The following PSMB3 variants were observed in gnomAD, a reference collection of about 807,000 sequenced individuals.
The protein encoded by PSMB3 is proteasome subunit beta type-3.
Under a neutral mutation model 23.3 loss-of-function variants are expected in PSMB3, and 5 were observed. The ratio of observed to expected loss-of-function variants is 0.21; its 90% CI spans 0.11 to 0.45. PSMB3 has a LOEUF of 0.45. Ranked by LOEUF, PSMB3 falls within the 20% of genes least tolerant of loss-of-function variation. The pLI is 0.99. For missense variants in PSMB3, 192 were observed against 277.9 expected, an observed-to-expected ratio of 0.69 and a Z score of 2.20; for synonymous variants, 85 against 99.8, an observed-to-expected ratio of 0.85 and a Z score of 0.88.
chr17:38,761,196 A>G (rs549934026), intron 4 of PSMB3, among the ~76,000 whole-genome samples: 1 of 152,044 alleles, frequency 6.6e-6, no homozygotes, highest in East Asian at 1.9e-4. Flanking sequence ...CTAAAAAAAA[A>G]GTTAAATTAG....
chr17:38,755,759 G>A lies in PSMB3; in HGVS notation c.189-124G>A, dbSNP rs971452065. 7.3e-6 allele frequency: 5 copies of A among 686,296 alleles called. No homozygotes were observed. In the African/African-American group the frequency reaches 9.1e-5, roughly 12 times the overall value. The allele number at this position is 686,296 out of a possible 1,614,324, so 42.5% of individuals were successfully genotyped here. On this transcript the variant is annotated intron_variant, in intron 2 of 5. Coordinates refer to ENST00000619426, the MANE Select transcript of PSMB3 (RefSeq NM_002795.4). ...AGTTGCTACTTCCTAACACATGTAA[G>A]ACTACAGTTTTCCCTGGGCAGGGAC...
At chr17:38,762,774 C>CA (rs2143254335) in intron 5 of PSMB3, among the ~76,000 whole-genome samples, 1 of 152,238 alleles carries the variant, frequency 6.6e-6, no homozygotes, top group African/African-American at 2.4e-5. Flanking sequence ...TCCGAAGTCT[C>CA]AGGGATCCGT....
chr17:38,753,480 T>A, intron 2 of PSMB3, 146 bp downstream of exon 2: 2 of 767,858 alleles, frequency 2.6e-6, no homozygotes, highest in Non-Finnish European at 4.0e-6. Context: ...TGTCCTTCCC[T>A]TTCTTTTTTT....
chr17:38,764,080 T>C, intron 5 of PSMB3, 39 bp from the exon 6 acceptor site: 1 of 1,613,342 alleles, frequency 6.2e-7, no homozygotes, highest in Non-Finnish European at 8.5e-7. Flanking sequence ...ACGGTCCAGA[T>C]GGGTAGAGAT....
At chr17:38,760,688 A>G (rs957865401) in intron 4 of PSMB3, 80 bp downstream of exon 4, 2 of 1,508,536 alleles carry the variant, frequency 1.3e-6, no homozygotes, top group African/African-American at 2.7e-5. Flanking sequence ...TTTATGTGGC[A>G]GGTAATGGGG....
chr17:38,759,694 G>A (rs1000809227), intron 3 of PSMB3, among the ~76,000 whole-genome samples: 5 of 151,918 alleles, frequency 3.3e-5, no homozygotes, highest in African/African-American at 9.7e-5. Context: ...ATAGTCACCC[G>A]CCACCATGCC....
intron 2 of PSMB3, among the ~76,000 whole-genome samples, 168 bp from the exon 3 acceptor site, chr17:38,755,715 T>TGTGTGTGTGTGTGC (rs142685157): frequency 1.4e-5 from 2 of 138,486 alleles, no homozygotes; most frequent in African/African-American, 5.6e-5. Context: ...TGTGTGTGTG[T>TGTGTGTGTGTGTGC]GCTGCCAAAG....
At chr17:38,757,946 GC>G (rs973827908) in intron 3 of PSMB3, among the ~76,000 whole-genome samples, 20 of 151,974 alleles carry the variant, frequency 1.3e-4, no homozygotes, top group African/African-American at 4.8e-4. Flanking sequence ...GAACCACTGC[GC>G]CCAGCCAACG....
intron 2 of PSMB3, 38 bp from the exon 3 acceptor site, chr17:38,755,845 C>T: frequency 6.5e-7 from 1 of 1,545,668 alleles, no homozygotes. Flanking sequence ...CAGGAATATT[C>T]AATAATGACT....
At chr17:38,754,743 A>G (rs1908081162) in intron 2 of PSMB3, among the ~76,000 whole-genome samples, 1 of 152,080 alleles carries the variant, frequency 6.6e-6, no homozygotes, top group Admixed American at 6.6e-5. Flanking sequence ...TGCTCATTTC[A>G]CTAGGCCTCA....
intron 3 of PSMB3, among the ~76,000 whole-genome samples, chr17:38,758,070 C>T (rs1482493334): frequency 1.3e-5 from 2 of 152,138 alleles, no homozygotes; most frequent in South Asian, 4.1e-4. Flanking sequence ...TGCCGAGTTA[C>T]CATCTGAAGT....
At chr17:38,756,014 T>C (rs1220107297) in intron 3 of PSMB3, 24 bp downstream of exon 3, 2 of 1,557,158 alleles carry the variant, frequency 1.3e-6, no homozygotes, top group East Asian at 4.5e-5. Context: ...TAGCTAGCAC[T>C]GAGGGAATGC....
At chr17:38,756,732 G>T (rs1267539688) in intron 3 of PSMB3, among the ~76,000 whole-genome samples, 1 of 151,726 alleles carries the variant, frequency 6.6e-6, no homozygotes, top group Non-Finnish European at 1.5e-5. Context: ...CTGACCTCAG[G>T]TGATCCACCT....
In PSMB3 at chr17:38,755,878, C is replaced by T. The variant is rs749103878; in HGVS notation, c.189-5C>T. 1.2e-6 allele frequency: 2 copies of T among 1,613,268 alleles called. No homozygotes were observed. Among genetic ancestry groups the T allele is most frequent in the Non-Finnish European group, 1.7e-6 (2 of 1,179,314 alleles). ...ACTTACTAACTCACTTTTCTCCTACCTCAGTGCCCAGCGCCTCAAGTTCCG... is the reference window on the plus strand; with the variant it reads ...ACTTACTAACTCACTTTTCTCCTACTTCAGTGCCCAGCGCCTCAAGTTCCG... On this transcript the variant is annotated splice_polypyrimidine_tract_variant and splice_region_variant and intron_variant, in intron 2 of 5. Transcript: ENST00000619426.
In PSMB3 at chr17:38,760,475, C is replaced by T. The variant is rs746639000; in HGVS notation, c.341C>T (p.Pro114Leu). 7 of 1,614,226 alleles carry T rather than the reference C, an allele frequency of 4.3e-6. No individual in the cohort carries two copies. Among genetic ancestry groups the T allele is most frequent in the African/African-American group, 1.3e-5 (1 of 75,060 alleles). ...GAGCCAGTCATTGCCGGGTTGGACCCGAAGACCTTTAAGCCCTTCATTTGC... is the reference window on the plus strand; with the variant it reads ...GAGCCAGTCATTGCCGGGTTGGACCTGAAGACCTTTAAGCCCTTCATTTGC... ...YTEPVIAGLD[P>L]KTFKPFICSL... Residue 114 changes from proline to leucine, a missense_variant, in exon 4 of 6, where the codon CCG (proline) becomes CTG (leucine). Pro to Leu is a moderately conservative substitution (Grantham distance 98). Coordinates refer to ENST00000619426, the MANE Select transcript of PSMB3 (RefSeq NM_002795.4).
chr17:38,763,524 TGGA>T (rs368136533), intron 5 of PSMB3, among the ~76,000 whole-genome samples: 30 of 107,904 alleles, frequency 2.8e-4, no homozygotes, highest in African/African-American at 1.1e-3. Flanking sequence ...TTTTTTGAGA[TGGA>T]GTCTCATTCT....
chr17:38,763,479 TGGA>T (rs1350309728), intron 5 of PSMB3, among the ~76,000 whole-genome samples: 3 of 150,480 alleles, frequency 2.0e-5, no homozygotes, highest in Non-Finnish European at 4.4e-5. Context: ...TCTCTAGGCT[TGGA>T]GGAGCTTCTT....
At chr17:38,756,426 T>C (rs908854106) in intron 3 of PSMB3, among the ~76,000 whole-genome samples, 2 of 152,180 alleles carry the variant, frequency 1.3e-5, no homozygotes, top group Admixed American at 6.5e-5. Flanking sequence ...TAGGATGGAA[T>C]TGAAAGGAAA....
rs750954910 is a variant in PSMB3 at position 38,753,224 on chromosome 17, G to C, written c.78G>C (p.Arg26Ser). The change falls in exon 2 of 6, where the codon AGG (arginine) becomes AGC (serine). Residue 26 changes from arginine (R) to serine (S), a missense_variant. Coordinates refer to ENST00000619426, the MANE Select transcript of PSMB3 (RefSeq NM_002795.4). ...ACTGTGTGGCCATCGCTGCAGACAG[G>C]CGCTTCGGGATCCAGGCCCAGATGG... ...GKNCVAIAAD[R>S]RFGIQAQMVT... 9.9e-6 allele frequency: 16 copies of C among 1,614,120 alleles called. No homozygotes were observed. The South Asian group carries it at 1.8e-4, about 18-fold the overall frequency.
Sources: allele counts gnomAD v4.1 joint callset (sites outside exome capture counted in the v4.1 genomes callset), GRCh38; gene constraint gnomAD v4.1.1; transcripts MANE v1.5; gene names NCBI Gene and HGNC (gene_info 2026-07-23, HGNC 2026-07-21).